Variants in ZNF705B observed in about 807,000 individuals in gnomAD.
ZNF705B encodes the protein zinc finger protein 705B.
A neutral mutation model predicts 10.5 loss-of-function variants in ZNF705B; 1 was observed. The ratio of observed to expected loss-of-function variants is 0.10; its 90% CI spans 0.03 to 0.45. The LOEUF (loss-of-function observed/expected upper bound fraction) is 0.45. ZNF705B is among the 20% of genes least tolerant of loss of function. The pLI is 0.97. For synonymous variants in ZNF705B, 4 were observed against 25.4 expected, an observed-to-expected ratio of 0.16 and a Z score of 2.53; for missense variants, 14 against 84.0, an observed-to-expected ratio of 0.17 and a Z score of 3.26.
At position 7,940,241 on chromosome 8, in the gene ZNF705B, C is replaced by A. The variant is rs866505879; in HGVS notation, c.-71-7110C>A. On this transcript the variant is annotated intron_variant, in intron 2 of 6. Transcript: ENST00000400120. ...CTACCCCTCCTTTTAAGTTTTTTAA[C>A]CAACCCCCTCTTGTTTTATTTTAAC... Among the ~76,000 whole-genome samples the A allele has an allele frequency of 8.7e-3, 1,283 of 147,408 alleles. 14 individuals are homozygous for A. Among genetic ancestry groups the A allele is most frequent in the African/African-American group, 0.03 (1,210 of 39,760 alleles).
chr8:7,932,990 A>G (rs1819892915), intron 2 of ZNF705B, among the ~76,000 whole-genome samples: 1 of 116,152 alleles, frequency 8.6e-6, no homozygotes, highest in African/African-American at 2.6e-5. Context: ...CGCCAAAGCT[A>G]TCCACATCCT....
At chr8:7,926,575 T>C (rs1279820711) in intron 1 of ZNF705B, among the ~76,000 whole-genome samples, 178 bp downstream of exon 1, 1 of 105,294 alleles carries the variant, frequency 9.5e-6, no homozygotes, top group African/African-American at 2.8e-5. Context: ...CCATCATTAT[T>C]TGCTGTGGTA....
In ZNF705B at chr8:7,927,551, G is replaced by A. The variant is rs529451906; in HGVS notation, c.-222+1154G>A. Among the ~76,000 whole-genome samples the A allele has an allele frequency of 1.3e-3, 158 of 117,540 alleles. 43 individuals are homozygous for A. The highest frequency in any genetic ancestry group is 2.8e-3 in the Non-Finnish European group (138 of 49,040). The allele number at this position is 117,540 out of a possible 152,430, so 77.1% of individuals were successfully genotyped here. On this transcript the variant is annotated intron_variant, in intron 1 of 6. Coordinates refer to ENST00000400120, the MANE Select transcript of ZNF705B (RefSeq NM_001193630.1). ...GATCCTAGTTAAAACACAACTCTGC[G>A]TGGATAGGTATTGGGTAGCAATTGA...
intron 2 of ZNF705B, among the ~76,000 whole-genome samples, chr8:7,932,051 G>T (rs867104444): frequency 8.4e-6 from 1 of 119,254 alleles, no homozygotes; most frequent in African/African-American, 2.5e-5. Context: ...CTGTGTCTGG[G>T]GGCACGTGCA....
chr8:7,951,419 T>C (rs1774780144), intron 6 of ZNF705B, among the ~76,000 whole-genome samples: 1 of 109,810 alleles, frequency 9.1e-6, no homozygotes, highest in African/African-American at 2.8e-5. Context: ...CAATCAGATA[T>C]GCATTTGTGT....
intron 1 of ZNF705B, among the ~76,000 whole-genome samples, chr8:7,929,028 A>G (rs1219697591): frequency 8.3e-6 from 1 of 120,176 alleles, no homozygotes; most frequent in Non-Finnish European, 2.0e-5. Flanking sequence ...AAATCTCAGA[A>G]TTCACCGCTA....
intron 1 of ZNF705B, among the ~76,000 whole-genome samples, chr8:7,928,795 A>G (rs1490431589): frequency 9.8e-6 from 1 of 101,584 alleles, no homozygotes; most frequent in African/African-American, 2.7e-5. Context: ...CAAGGAAAAA[A>G]TGTAATTTCC....
At position 7,931,565 on chromosome 8, in the gene ZNF705B, G is replaced by C. The variant is rs865775423; in HGVS notation, c.-72+1129G>C. 5.7e-5 allele frequency among the ~76,000 whole-genome samples: 7 copies of C among 121,766 alleles called. 2 individuals are homozygous for C. Among genetic ancestry groups the C allele is most frequent in the Admixed American group, 3.7e-4 (4 of 10,916 alleles). The allele number at this position is 121,766 out of a possible 152,430, so 79.9% of individuals were successfully genotyped here. On this transcript the variant is annotated intron_variant, in intron 2 of 6. Coordinates refer to ENST00000400120, the MANE Select transcript of ZNF705B (RefSeq NM_001193630.1). ...ACAGCAGTGTGGGTTGATCCCCAGC[G>C]TCCTGGACAACGACCTTGGGTAGTG...
intron 1 of ZNF705B, among the ~76,000 whole-genome samples, chr8:7,927,588 A>AT (rs11309300): frequency 0.41 from 43,935 of 107,616 alleles, 8,508 homozygotes; most frequent in Middle Eastern, 0.52. Flanking sequence ...TCTTCCTAAG[A>AT]TTTTTTTTTT....
At chr8:7,926,840 C>A (rs1251703427) in intron 1 of ZNF705B, among the ~76,000 whole-genome samples, 1 of 115,858 alleles carries the variant, frequency 8.6e-6, no homozygotes, top group East Asian at 2.5e-4. Flanking sequence ...GTTTATCTCA[C>A]TAGAGATGTG....
rs1820132554 is a variant in ZNF705B, at chr8:7,940,831, T to C, written c.-71-6520T>C. Reference sequence around the variant, plus strand: ...TATATGTATTAGCCATTTATCCTGATACTCTCCCTCCACCTGCCTCCCAAC... The same window carrying C: ...TATATGTATTAGCCATTTATCCTGACACTCTCCCTCCACCTGCCTCCCAAC... On this transcript the variant is annotated intron_variant, in intron 2 of 6. Transcript: ENST00000400120. Among the ~76,000 whole-genome samples, 5 of 138,532 alleles carry C rather than the reference T, an allele frequency of 3.6e-5. No homozygotes were observed. The Admixed American group carries it at 3.8e-4, about 10-fold the overall frequency. 90.9% of individuals were successfully genotyped at this position (138,532 alleles called of 152,430 possible).
intron 2 of ZNF705B, among the ~76,000 whole-genome samples, chr8:7,931,129 AG>A (rs1412602688): frequency 1.5e-4 from 18 of 121,152 alleles, no homozygotes; most frequent in Non-Finnish European, 2.6e-4. Flanking sequence ...CTAGGATTAC[AG>A]GTGTGAGTCA....
chr8:7,941,151 T>C (rs1487076594), intron 2 of ZNF705B, among the ~76,000 whole-genome samples: 2 of 147,118 alleles, frequency 1.4e-5, no homozygotes, highest in African/African-American at 5.0e-5. Context: ...AATGAACATA[T>C]GTGTGCATGT....
intron 2 of ZNF705B, among the ~76,000 whole-genome samples, chr8:7,937,036 C>A (rs1235160223): frequency 1.8e-4 from 21 of 118,726 alleles, no homozygotes; most frequent in East Asian, 7.2e-4. Flanking sequence ...GACACTATGT[C>A]TTTTCCGGCC....
chr8:7,931,564 C>T (rs1232681639), intron 2 of ZNF705B, among the ~76,000 whole-genome samples: 3 of 122,084 alleles, frequency 2.5e-5, no homozygotes, highest in African/African-American at 7.5e-5. Context: ...TGATCCCCAG[C>T]GTCCTGGACA....
chr8:7,940,894 G>A (rs1410286416), intron 2 of ZNF705B, among the ~76,000 whole-genome samples: 1 of 147,208 alleles, frequency 6.8e-6, no homozygotes, highest in African/African-American at 2.5e-5. Flanking sequence ...TAATATCCAT[G>A]TGTTCTCACC....
chr8:7,927,310 C>G (rs1011270317), intron 1 of ZNF705B, among the ~76,000 whole-genome samples: 2 of 120,542 alleles, frequency 1.7e-5, no homozygotes, highest in Non-Finnish European at 4.0e-5. Context: ...TTGAGACATT[C>G]CAGGCCTTAT....
chr8:7,931,615 G>A (rs1415092042), intron 2 of ZNF705B, among the ~76,000 whole-genome samples: 6 of 122,122 alleles, frequency 4.9e-5, no homozygotes, highest in African/African-American at 1.5e-4. Flanking sequence ...GGGTGGGATG[G>A]GCCTGTGCTC....
At chr8:7,933,929 CTTTTTTTTTT>C (rs1162997944) in intron 2 of ZNF705B, among the ~76,000 whole-genome samples, 4 of 29,366 alleles carry the variant, frequency 1.4e-4, no homozygotes, top group African/African-American at 2.3e-4. Context: ...GTAATATAAA[CTTTTTTTTTT>C]TTTTTTTTTT....
Sources: gnomAD v4.1 joint callset for allele counts (sites outside exome capture counted in the v4.1 genomes callset) on GRCh38, gnomAD v4.1.1 for gene constraint, MANE v1.5 for transcripts, NCBI Gene and HGNC (gene_info 2026-07-23, HGNC 2026-07-21) for gene names.